NLGN4Y: variants seen among roughly 807,000 people sequenced by gnomAD.
NLGN4Y encodes the protein neuroligin 4 Y-linked, also known as neuroligin-4, Y-linked.
A neutral mutation model predicts 8.4 loss-of-function variants in NLGN4Y; 4 were observed. The observed-to-expected ratio is 0.48, with a 90% confidence interval of 0.23 to 1.09. NLGN4Y has a LOEUF of 1.09. Among genes scored for constraint, NLGN4Y ranks in the 50% least tolerant of loss-of-function variants. The probability of loss-of-function intolerance (pLI) is 0.19; values close to 1 mark genes in which losing one functional copy is unlikely to be tolerated. For missense variants in NLGN4Y, 90 were observed against 192.3 expected (o/e 0.47, Z 3.15); for synonymous variants, 35 against 75.6 (o/e 0.46, Z 2.78).
chrY:14,542,620 G>A (rs2080153838), intron 1 of NLGN4Y, among the ~76,000 whole-genome samples: 2 of 33,368 alleles, frequency 6.0e-5, no homozygotes, highest in Admixed American at 2.8e-4. Flanking sequence ...CTCTCAGACT[G>A]CAGTGCAATC....
intron 2 of NLGN4Y, among the ~76,000 whole-genome samples, chrY:14,647,628 A>G: frequency 2.9e-5 from 1 of 34,150 alleles, no homozygotes; most frequent in Non-Finnish European, 7.3e-5. Context: ...CCACTATGCC[A>G]TAATTATAGT....
At chrY:14,790,008 A>T in intron 4 of NLGN4Y, among the ~76,000 whole-genome samples, 1 of 33,688 alleles carries the variant, frequency 3.0e-5, no homozygotes, top group African/African-American at 1.2e-4. Context: ...AATAAACCAC[A>T]TTATTTTAGG....
chrY:14,573,586 C>G (rs2080283906), intron 1 of NLGN4Y, among the ~76,000 whole-genome samples: 1 of 33,237 alleles, frequency 3.0e-5, no homozygotes, highest in Admixed American at 2.8e-4. Context: ...TTTTTTGTGT[C>G]TCTATTTCCT....
intron 4 of NLGN4Y, among the ~76,000 whole-genome samples, chrY:14,750,366 C>T: frequency 1.5e-4 from 5 of 32,745 alleles, no homozygotes; most frequent in African/African-American, 6.0e-4. Flanking sequence ...TTTGCAGAGA[C>T]AGTCTTGCTA....
chrY:14,731,432 C>A, intron 4 of NLGN4Y, among the ~76,000 whole-genome samples: 3 of 33,020 alleles, frequency 9.1e-5, no homozygotes, highest in Middle Eastern at 0.027. Context: ...TATAACTGTA[C>A]CCTTTTCTCA....
chrY:14,636,743 A>G, intron 2 of NLGN4Y, among the ~76,000 whole-genome samples: 3 of 32,941 alleles, frequency 9.1e-5, no homozygotes, highest in African/African-American at 2.4e-4. Context: ...GAATGATAAC[A>G]TCTTCCAAGT....
intron 2 of NLGN4Y, among the ~76,000 whole-genome samples, chrY:14,666,216 C>A (rs998537063): frequency 3.1e-5 from 1 of 32,615 alleles, no homozygotes; most frequent in Non-Finnish European, 7.5e-5. Context: ...GGACTACAAG[C>A]ATCCACCACC....
intron 2 of NLGN4Y, among the ~76,000 whole-genome samples, chrY:14,674,388 C>T: frequency 4.5e-5 from 1 of 22,316 alleles, no homozygotes; most frequent in Non-Finnish European, 9.7e-5. Flanking sequence ...CGCATCTGCT[C>T]ACTTGGCATA....
intron 4 of NLGN4Y, among the ~76,000 whole-genome samples, chrY:14,731,826 AT>A: frequency 3.0e-5 from 1 of 33,256 alleles, no homozygotes. Flanking sequence ...GATACCAGAG[AT>A]TCTCTTACTG....
chrY:14,671,332 C>T (rs2080709923), intron 2 of NLGN4Y, among the ~76,000 whole-genome samples: 1 of 32,346 alleles, frequency 3.1e-5, no homozygotes, highest in Admixed American at 2.8e-4. Context: ...GAGTTCAAGA[C>T]CAGGCTGGTC....
intron 4 of NLGN4Y, among the ~76,000 whole-genome samples, chrY:14,775,594 C>G: frequency 3.0e-5 from 1 of 33,462 alleles, no homozygotes; most frequent in Admixed American, 2.8e-4. Context: ...TCTTTCAATG[C>G]GGCTTTCTAT....
chrY:14,667,639 A>G, intron 2 of NLGN4Y, among the ~76,000 whole-genome samples: 2 of 33,745 alleles, frequency 5.9e-5, no homozygotes, highest in South Asian at 1.4e-3. Context: ...CTGGCCAGCC[A>G]TGTGTGTACA....
intron 1 of NLGN4Y, among the ~76,000 whole-genome samples, chrY:14,564,966 G>A: frequency 3.1e-5 from 1 of 32,646 alleles, no homozygotes; most frequent in Non-Finnish European, 7.4e-5. Context: ...AGAAGGAAAA[G>A]AAACAAGCAG....
chrY:14,604,254 G>A (rs374136905), intron 1 of NLGN4Y, among the ~76,000 whole-genome samples: 52 of 32,846 alleles, frequency 1.6e-3, no homozygotes, highest in Non-Finnish European at 3.4e-3. Context: ...TCTTGATTTC[G>A]GATTTCCAGT....
At chrY:14,524,322 T>G, upstream of NLGN4Y, 3 of 85,169 alleles carry the variant, frequency 3.5e-5, no homozygotes, top group Admixed American at 4.9e-4. Context: ...TCCGTTCCAA[T>G]AGGCACACCA....
chrY:14,563,334 T>C (rs759186962), intron 1 of NLGN4Y, among the ~76,000 whole-genome samples: 1 of 33,939 alleles, frequency 2.9e-5, no homozygotes, highest in Non-Finnish European at 7.3e-5. Context: ...GTTTATGTGA[T>C]GGATTATGTT....
chrY:14,582,753 A>T (rs904354220), intron 1 of NLGN4Y, among the ~76,000 whole-genome samples: 2 of 34,277 alleles, frequency 5.8e-5, no homozygotes, highest in African/African-American at 2.3e-4. Flanking sequence ...CAGTTGTTGG[A>T]GAATTAGTAT....
At chrY:14,702,112 C>T (rs2080850160) in intron 2 of NLGN4Y, among the ~76,000 whole-genome samples, 2 of 32,049 alleles carry the variant, frequency 6.2e-5, no homozygotes, top group African/African-American at 2.4e-4. Flanking sequence ...GCTTCAGCCT[C>T]CCAGTGTTTT....
At chrY:14,567,524 AT>A (rs373187815) in intron 1 of NLGN4Y, among the ~76,000 whole-genome samples, 59 of 21,584 alleles carry the variant, frequency 2.7e-3, no homozygotes, top group Middle Eastern at 0.02. Flanking sequence ...CCACGCCCAG[AT>A]TTTTTTTTTT....
Sources: allele counts gnomAD v4.1 joint callset (sites outside exome capture counted in the v4.1 genomes callset), GRCh38; gene constraint gnomAD v4.1.1; transcripts MANE v1.5; gene names NCBI Gene and HGNC (gene_info 2026-07-23, HGNC 2026-07-21).